The following SRGAP1 variants were observed in gnomAD, a reference collection of about 807,000 sequenced individuals.
SRGAP1 encodes the protein SLIT-ROBO Rho GTPase-activating protein 1.
SRGAP1 carries 43 observed loss-of-function variants against 121.9 expected under a neutral mutation model. The ratio of observed to expected loss-of-function variants is 0.35; its 90% confidence interval spans 0.28 to 0.46. SRGAP1 has a LOEUF of 0.46. Among genes scored for constraint, SRGAP1 ranks in the 20% least tolerant of loss-of-function variants. The probability of loss-of-function intolerance (pLI) is 1.00; values close to 1 mark genes in which losing one functional copy is unlikely to be tolerated. For synonymous variants in SRGAP1, 447 were observed against 485.4 expected, an observed-to-expected ratio of 0.92 and a Z score of 1.04; for missense variants, 1,102 against 1,350.9, an observed-to-expected ratio of 0.82 and a Z score of 2.89.
At chr12:63,948,635 G>A (rs1198608016) in intron 1 of SRGAP1, among the ~76,000 whole-genome samples, 3 of 151,848 alleles carry the variant, frequency 2.0e-5, no homozygotes, top group African/African-American at 7.2e-5. Context: ...TACTAGCCAT[G>A]TTGTACCTAT....
At chr12:63,975,017 C>T (rs933526929) in intron 1 of SRGAP1, among the ~76,000 whole-genome samples, 2 of 152,150 alleles carry the variant, frequency 1.3e-5, no homozygotes, top group African/African-American at 4.8e-5. Flanking sequence ...GTAGTCTGCA[C>T]CATCATATCT....
chr12:64,027,628 T>A (rs986718019), intron 4 of SRGAP1, among the ~76,000 whole-genome samples: 1 of 152,052 alleles, frequency 6.6e-6, no homozygotes, highest in African/African-American at 2.4e-5. Context: ...GTTGAATGAT[T>A]TAGGAACAGC....
At chr12:64,047,347 C>A (rs2035151194) in intron 6 of SRGAP1, among the ~76,000 whole-genome samples, 1 of 152,070 alleles carries the variant, frequency 6.6e-6, no homozygotes, top group Non-Finnish European at 1.5e-5. Context: ...ATCCTAACAA[C>A]CATTAAGCTT....
chr12:64,003,963 A>G (rs1042333961), intron 3 of SRGAP1, among the ~76,000 whole-genome samples: 4 of 152,216 alleles, frequency 2.6e-5, no homozygotes, highest in Non-Finnish European at 5.9e-5. Flanking sequence ...CCAGTGAAAA[A>G]TGATACATTA....
chr12:64,112,247 A>C (rs557187708), intron 17 of SRGAP1, among the ~76,000 whole-genome samples: 24 of 152,320 alleles, frequency 1.6e-4, no homozygotes, highest in Admixed American at 1.4e-3. Flanking sequence ...TTTTGATGTT[A>C]TGTAGAGCTA....
At chr12:63,906,237 G>T (rs1397827513) in intron 1 of SRGAP1, among the ~76,000 whole-genome samples, 2 of 152,114 alleles carry the variant, frequency 1.3e-5, no homozygotes, top group Non-Finnish European at 2.9e-5. Context: ...TTGCTGATTA[G>T]TATCTCATTG....
chr12:64,146,108 C>A lies in SRGAP1; in HGVS notation c.*3436C>A, dbSNP rs1592363362. On this transcript the variant is annotated 3_prime_UTR_variant, in exon 22 of 22. Transcript: ENST00000355086. ...GAAAGGTGTACTTAGTACACATTTT[C>A]TAATGGGCGTTACGTGAACTGTTTG... 1 of 152,280 alleles carries A rather than the reference C, an allele frequency of 6.6e-6. No individual in the cohort carries two copies. Among genetic ancestry groups the A allele is most frequent in the Admixed American group, 6.5e-5 (1 of 15,290 alleles). The allele number at this position is 152,280 out of a possible 1,614,324, so 9.4% of individuals were successfully genotyped here.
At chr12:63,872,899 G>T (rs2136278540) in intron 1 of SRGAP1, among the ~76,000 whole-genome samples, 1 of 152,246 alleles carries the variant, frequency 6.6e-6, no homozygotes, top group Non-Finnish European at 1.5e-5. Context: ...ATTCTGCCTG[G>T]GAGAGTACAA....
chr12:64,134,211 G>A (rs2136645439), intron 21 of SRGAP1, among the ~76,000 whole-genome samples: 1 of 152,144 alleles, frequency 6.6e-6, no homozygotes, highest in South Asian at 2.1e-4. Context: ...CACGGGGTCA[G>A]GAGATTGAGA....
intron 12 of SRGAP1, among the ~76,000 whole-genome samples, chr12:64,094,264 G>A (rs1026309830): frequency 6.6e-6 from 1 of 152,014 alleles, no homozygotes; most frequent in African/African-American, 2.4e-5. Flanking sequence ...GTTTACATTT[G>A]TTCAGTAGAA....
intron 1 of SRGAP1, among the ~76,000 whole-genome samples, chr12:63,882,893 TCAA>T (rs1305867351): frequency 3.9e-5 from 6 of 152,350 alleles, no homozygotes; most frequent in Non-Finnish European, 7.3e-5. Context: ...AAGGAGCTTT[TCAA>T]CGCCAGTGAG....
At position 64,142,445 on chromosome 12, in the gene SRGAP1, C is replaced by T. The variant is rs1179316756; in HGVS notation, c.3031C>T (p.Pro1011Ser). Residue 1011 changes from proline to serine, a missense_variant, in exon 22 of 22, where the codon CCT (proline) becomes TCT (serine). By Grantham distance (74) the Pro-to-Ser change is moderately conservative. This residue lies in a region of SRGAP1 where 315 missense variants were observed against 343.1 expected (regional missense o/e 0.92). Coordinates refer to ENST00000355086, the MANE Select transcript of SRGAP1 (RefSeq NM_020762.4). ...TPATSTESLS[P>S]LHNVALRSSE... Reference sequence around the variant, plus strand: ...TGCCACTTCCACGGAATCTCTCAGCCCTTTGCACAACGTTGCCCTCAGGAG... The same window carrying T: ...TGCCACTTCCACGGAATCTCTCAGCTCTTTGCACAACGTTGCCCTCAGGAG... The T allele has an allele frequency of 6.2e-7, 1 of 1,614,126 alleles. No individual in the cohort carries two copies. Among genetic ancestry groups the T allele is most frequent in the Admixed American group, 1.7e-5 (1 of 60,016 alleles).
At chr12:64,057,534 C>T (rs79120073) in intron 6 of SRGAP1, among the ~76,000 whole-genome samples, 1,556 of 152,240 alleles carry the variant, frequency 0.01, 23 homozygotes, top group African/African-American at 0.035. Context: ...TGTAAAAGCT[C>T]TGAACTTTTC....
chr12:63,951,962 A>G (rs1275963226), intron 1 of SRGAP1, among the ~76,000 whole-genome samples: 2 of 152,042 alleles, frequency 1.3e-5, no homozygotes, highest in Non-Finnish European at 2.9e-5. Context: ...GGGTAGGTTA[A>G]GTGTGATTTA....
Position 64,111,841 on chromosome 12 carries a change from C to A in SRGAP1, c.1999C>A (p.Pro667Thr), listed in dbSNP as rs756252291. 2 of 1,613,822 alleles carry A rather than the reference C, an allele frequency of 1.2e-6. No homozygotes were observed. ...ICFGPTLMPV[P>T]EIQDQVSCQA... is the part of the protein sequence containing the mutation. ...CTTTGGCCCAACATTGATGCCTGTC[C>A]CAGAAATACAGGATCAAGTGTCTTG... Residue 667 changes from proline (P) to threonine (T), a missense_variant, in exon 17 of 22, where the codon CCA becomes ACA. Coordinates refer to ENST00000355086, the MANE Select transcript of SRGAP1 (RefSeq NM_020762.4).
chr12:64,118,223 GT>G (rs1269650745), intron 18 of SRGAP1, among the ~76,000 whole-genome samples: 1 of 152,146 alleles, frequency 6.6e-6, no homozygotes, highest in Non-Finnish European at 1.5e-5. Flanking sequence ...GTGTACAAAG[GT>G]TTTAATTTCT....
chr12:64,056,975 G>C (rs980558847), intron 6 of SRGAP1, among the ~76,000 whole-genome samples: 1 of 152,024 alleles, frequency 6.6e-6, no homozygotes, highest in African/African-American at 2.4e-5. Flanking sequence ...TATTTAATTG[G>C]GTTTGGTTTG....
At position 64,149,895 on chromosome 12, in the gene SRGAP1, A is replaced by G. The variant is rs1220547924; in HGVS notation, c.*7223A>G. ...GAATTTGAATTAATTAGGACCAGATAATCAATTTTTGGCTTACTTATACTA... is the reference window on the plus strand; with the variant it reads ...GAATTTGAATTAATTAGGACCAGATGATCAATTTTTGGCTTACTTATACTA... On this transcript the variant is annotated 3_prime_UTR_variant, in exon 22 of 22. Coordinates refer to ENST00000355086, the MANE Select transcript of SRGAP1 (RefSeq NM_020762.4). 4.6e-5 allele frequency: 7 copies of G among 152,144 alleles called. No homozygotes were observed. Among genetic ancestry groups the G allele is most frequent in the African/African-American group, 1.7e-4 (7 of 41,428 alleles). The allele number at this position is 152,144 out of a possible 1,614,324, so 9.4% of individuals were successfully genotyped here. A position where few individuals can be genotyped will look rare whatever the true frequency, so the allele number is the denominator to read the frequency against.
intron 8 of SRGAP1, among the ~76,000 whole-genome samples, chr12:64,073,292 GTGT>G (rs1334149498): frequency 6.6e-6 from 1 of 152,146 alleles, no homozygotes; most frequent in Non-Finnish European, 1.5e-5. Flanking sequence ...AAGAAAAATG[GTGT>G]TGTTGATTTT....
Sources: gnomAD v4.1 joint callset for allele counts (sites outside exome capture counted in the v4.1 genomes callset) on GRCh38, gnomAD v4.1.1 for gene constraint, gnomAD v4.1.1 regional missense constraint, MANE v1.5 for transcripts, NCBI Gene and HGNC (gene_info 2026-07-23, HGNC 2026-07-21) for gene names.